The following SHANK2 variants were observed in gnomAD, a reference collection of about 807,000 sequenced individuals.
SHANK2 encodes SH3 and multiple ankyrin repeat domains protein 2.
Under a neutral mutation model 133.7 loss-of-function variants are expected in SHANK2, and 43 were observed. The observed-to-expected ratio is 0.32, with a 90% CI of 0.25 to 0.41. The LOEUF is 0.41. SHANK2 is among the 10% of genes least tolerant of loss of function. SHANK2 has a pLI of 1.00. For synonymous variants in SHANK2, 1,017 were observed against 952.8 expected (o/e 1.07, Z -1.24); for missense variants, 1,994 against 2,235.8 (o/e 0.89, Z 2.18).
At chr11:70,509,446 G>C (rs2059173269) in intron 17 of SHANK2, among the ~76,000 whole-genome samples, 1 of 152,220 alleles carries the variant, frequency 6.6e-6, no homozygotes, top group African/African-American at 2.4e-5. Context: ...CCCATTGAGG[G>C]GGGGCTCCCA....
chr11:71,246,602 C>A (rs1954964377), intron 1 of SHANK2, among the ~76,000 whole-genome samples: 1 of 152,128 alleles, frequency 6.6e-6, no homozygotes, highest in African/African-American at 2.4e-5. Context: ...TCCACGTAGA[C>A]CCAGCTCAGT....
intron 6 of SHANK2, among the ~76,000 whole-genome samples, chr11:71,100,398 C>T (rs1228860556): frequency 2.6e-5 from 4 of 152,234 alleles, no homozygotes; most frequent in African/African-American, 7.2e-5. Context: ...GATACATTAT[C>T]CATTGCACAT....
Position 71,118,850 on chromosome 11 carries a change from AC to A in SHANK2, c.389del (p.Gly130ValfsTer35), listed in dbSNP as rs1555100883. On this transcript the variant is annotated frameshift_variant, in exon 4 of 26. Transcript: ENST00000601538. LOFTEE classifies it high-confidence loss of function. ...RLLREYPQPV[G>X]EGVPSLEFRY... ...ATACCTCCAGGGAAGGAACGCCCTC[AC>A]CCACGGGCTGTGGGTACTCGCGCAG... 2.6e-6 allele frequency: 4 copies of A among 1,550,606 alleles called. No individual in the cohort carries two copies. Among genetic ancestry groups the A allele is most frequent in the Non-Finnish European group, 3.5e-6 (4 of 1,146,402 alleles).
intron 14 of SHANK2, among the ~76,000 whole-genome samples, chr11:70,751,408 T>C (rs1946746599): frequency 6.6e-6 from 1 of 152,236 alleles, no homozygotes; most frequent in Non-Finnish European, 1.5e-5. Flanking sequence ...CAGGATTCTA[T>C]ACCCAGTGAA....
Position 70,485,386 on chromosome 11 carries a change from C to G in SHANK2, c.4907G>C (p.Arg1636Pro). The change falls in exon 25 of 26, where the codon CGA (arginine) becomes CCA (proline). Residue 1636 changes from arginine to proline, a missense_variant. Coordinates refer to ENST00000601538, the MANE Select transcript of SHANK2 (RefSeq NM_012309.5). This position sits in a 1 kb window ranked among gnomAD's most constrained non-coding sequence, Gnocchi z 5.8. ...TTCCCCCGGCTTTGCCAATTTCTCTCGGTTCATTTGCTGTAGGATAGAGTT... is the reference window on the plus strand; with the variant it reads ...TTCCCCCGGCTTTGCCAATTTCTCTGGGTTCATTTGCTGTAGGATAGAGTT... The part of the protein sequence containing the change: ...ELNSILQQMN[R>P]EKLAKPGEGL... 1 of 1,614,068 alleles carries G rather than the reference C, an allele frequency of 6.2e-7. No individual in the cohort carries two copies. Among genetic ancestry groups the G allele is most frequent in the Non-Finnish European group, 8.5e-7 (1 of 1,180,034 alleles).
chr11:70,876,968 C>T (rs1490115434), intron 11 of SHANK2, among the ~76,000 whole-genome samples: 1 of 152,198 alleles, frequency 6.6e-6, no homozygotes, highest in Non-Finnish European at 1.5e-5. Context: ...GAGAATTCCA[C>T]AAGGGACTGA....
chr11:70,760,273 G>A (rs1315765495), intron 14 of SHANK2, among the ~76,000 whole-genome samples: 2 of 152,200 alleles, frequency 1.3e-5, no homozygotes, highest in African/African-American at 2.4e-5. Flanking sequence ...ATAAAGCCCC[G>A]TTCCACCCTC....
intron 14 of SHANK2, among the ~76,000 whole-genome samples, chr11:70,760,014 G>T (rs967056729): frequency 6.6e-6 from 1 of 152,240 alleles, no homozygotes; most frequent in Admixed American, 6.5e-5. Flanking sequence ...AACTATGAGA[G>T]ACCGGCTCTG....
intron 17 of SHANK2, among the ~76,000 whole-genome samples, chr11:70,632,359 T>G (rs1377094761): frequency 6.6e-6 from 1 of 151,942 alleles, no homozygotes; most frequent in Non-Finnish European, 1.5e-5. Context: ...TCTCCTGACC[T>G]CGTGATCCGC....
intron 11 of SHANK2, among the ~76,000 whole-genome samples, chr11:70,877,678 T>C (rs1184864552): frequency 6.6e-6 from 1 of 152,200 alleles, no homozygotes; most frequent in African/African-American, 2.4e-5. Context: ...GGATGGTTGA[T>C]ACCCAAAGCC....
At chr11:71,104,187 T>C (rs1951768113) in intron 6 of SHANK2, among the ~76,000 whole-genome samples, 1 of 151,974 alleles carries the variant, frequency 6.6e-6, no homozygotes, top group Admixed American at 6.6e-5. Flanking sequence ...CCACCGTAGG[T>C]GTTATCATTC....
intron 1 of SHANK2, among the ~76,000 whole-genome samples, chr11:71,228,994 G>A (rs1300823147): frequency 3.9e-5 from 6 of 152,020 alleles, no homozygotes; most frequent in African/African-American, 1.5e-4. Flanking sequence ...CAGAAAAAAA[G>A]ATCATATCAA....
Position 70,725,101 on chromosome 11 carries a change from G to A in SHANK2, c.1778-26338C>T, listed in dbSNP as rs141173788. On this transcript the variant is annotated intron_variant, in intron 14 of 25. Transcript: ENST00000601538. ...GAATATTCCAAAGCTTGATTCTTTGGGGGGGAAAACACTTAAGCTAAGGCC... is the reference window on the plus strand; with the variant it reads ...GAATATTCCAAAGCTTGATTCTTTGAGGGGGAAAACACTTAAGCTAAGGCC... Among the ~76,000 whole-genome samples, 12 of 152,262 alleles carry A rather than the reference G, an allele frequency of 7.9e-5. No individual in the cohort carries two copies. In the East Asian group the frequency reaches 1.7e-3, roughly 22 times the overall value.
intron 17 of SHANK2, among the ~76,000 whole-genome samples, chr11:70,523,105 C>T (rs1554971390): frequency 1.3e-5 from 2 of 152,204 alleles, no homozygotes; most frequent in Non-Finnish European, 2.9e-5. Context: ...CTGCTTGTCT[C>T]CTGCTCCTCC....
chr11:70,933,902 A>G (rs1201271054), intron 10 of SHANK2, among the ~76,000 whole-genome samples: 5 of 92,208 alleles, frequency 5.4e-5, no homozygotes, highest in African/African-American at 1.4e-4. Context: ...TGTGTCTCAA[A>G]AAAAAAAAAA....
chr11:71,174,719 T>C (rs1415164591), intron 2 of SHANK2: 1 of 148,882 alleles, frequency 6.7e-6, no homozygotes, highest in Non-Finnish European at 1.5e-5. Flanking sequence ...CTGAGTGTAG[T>C]GGCACATGCC....
intron 17 of SHANK2, among the ~76,000 whole-genome samples, chr11:70,649,363 C>T (rs2061312355): frequency 6.6e-6 from 1 of 152,184 alleles, no homozygotes; most frequent in African/African-American, 2.4e-5. Flanking sequence ...CACAGCGGGG[C>T]TACCATTCTC....
intron 21 of SHANK2, among the ~76,000 whole-genome samples, chr11:70,496,723 G>A (rs1366921540): frequency 6.6e-6 from 1 of 152,224 alleles, no homozygotes; most frequent in Non-Finnish European, 1.5e-5. Flanking sequence ...CTGGCGCTGG[G>A]GTCCCCCAAG....
rs1555153092 is a variant in SHANK2, at chr11:70,485,811, C to T, written c.4482G>A (p.Val1494=). The T allele has an allele frequency of 3.2e-5, 51 of 1,613,954 alleles. No individual in the cohort carries two copies. Among genetic ancestry groups the T allele is most frequent in the Non-Finnish European group, 4.2e-5 (49 of 1,180,026 alleles). The change falls in exon 25 of 26, where the codon GTG becomes GTA. Residue 1494 remains valine, a synonymous_variant. Coordinates refer to ENST00000601538, the MANE Select transcript of SHANK2 (RefSeq NM_012309.5). This position sits in a 1 kb window ranked among gnomAD's most constrained non-coding sequence, Gnocchi z 5.8. ...DAVADSGIEE[V]DSRSSSDHHL... is the part of the protein sequence containing the mutation. ...GGTGGTCGCTGCTACTCCGGCTGTCCACCTCCTCGATCCCAGAGTCGGCGA... is the reference window on the plus strand; with the variant it reads ...GGTGGTCGCTGCTACTCCGGCTGTCTACCTCCTCGATCCCAGAGTCGGCGA...
Sources: gnomAD v4.1 joint callset for allele counts (sites outside exome capture counted in the v4.1 genomes callset) on GRCh38, gnomAD v4.1.1 for gene constraint, Gnocchi (gnomAD v3.1) non-coding constraint, MANE v1.5 for transcripts, NCBI Gene and HGNC (gene_info 2026-07-23, HGNC 2026-07-21) for gene names.